ZNF438: variants seen among roughly 807,000 people sequenced by gnomAD.
The protein encoded by ZNF438 is zinc finger protein 438.
Under a neutral mutation model 38.0 loss-of-function variants are expected in ZNF438, and 25 were observed. That is an observed-to-expected ratio of 0.66 (90% CI 0.48 to 0.92). The LOEUF (loss-of-function observed/expected upper bound fraction) is 0.92. Ranked by LOEUF, ZNF438 falls within the 40% of genes least tolerant of loss-of-function variation. The pLI, the probability that ZNF438 is intolerant of heterozygous loss-of-function variation, is 0.00. For missense variants in ZNF438, 1,007 were observed against 999.6 expected (o/e 1.01, Z -0.10); for synonymous variants, 372 against 364.1 (o/e 1.02, Z -0.25).
chr10:30,955,988 C>T (rs1043214677), intron 1 of ZNF438, among the ~76,000 whole-genome samples: 2 of 152,072 alleles, frequency 1.3e-5, no homozygotes. Flanking sequence ...TATTCTAAAA[C>T]AAACAATTTT....
At chr10:30,905,016 A>G (rs2042433279) in intron 3 of ZNF438, among the ~76,000 whole-genome samples, 1 of 152,196 alleles carries the variant, frequency 6.6e-6, no homozygotes, top group South Asian at 2.1e-4. Context: ...TTGTGTTCAT[A>G]TGGTACCCTA....
intron 2 of ZNF438, among the ~76,000 whole-genome samples, chr10:30,936,866 T>C (rs562605588): frequency 6.6e-6 from 1 of 152,204 alleles, no homozygotes; most frequent in Non-Finnish European, 1.5e-5. Flanking sequence ...CAAACCTTTA[T>C]GCTTTGAACT....
exon 5 of ZNF438, chr10:30,849,806 T>C (rs371662834): frequency 1.9e-6 from 3 of 1,613,850 alleles, no homozygotes; most frequent in African/African-American, 1.3e-5. Flanking sequence ...CAAGTCCCCA[T>C]GGTCACTTCC....
At chr10:30,951,247 T>C (rs2048156170) in intron 1 of ZNF438, among the ~76,000 whole-genome samples, 1 of 150,844 alleles carries the variant, frequency 6.6e-6, no homozygotes, top group Admixed American at 6.6e-5. Context: ...TGGAACGTAT[T>C]TCAAAATAAT....
At chr10:30,852,703 G>T (rs958432412) in intron 4 of ZNF438, among the ~76,000 whole-genome samples, 1 of 152,224 alleles carries the variant, frequency 6.6e-6, no homozygotes, top group African/African-American at 2.4e-5. Flanking sequence ...TAAGTTCACA[G>T]GATAGCCTGC....
intron 1 of ZNF438, among the ~76,000 whole-genome samples, chr10:30,948,368 T>A (rs2047712514): frequency 6.6e-6 from 1 of 152,062 alleles, no homozygotes; most frequent in Admixed American, 6.6e-5. Context: ...GGAACGCAGT[T>A]CCTCACCAGC....
intron 1 of ZNF438, among the ~76,000 whole-genome samples, chr10:30,951,956 C>T (rs550373439): frequency 0.017 from 2,570 of 151,158 alleles, 64 homozygotes; most frequent in African/African-American, 0.059. Context: ...AATCCTAAGC[C>T]AAAAGAACAA....
chr10:30,846,321 G>A (rs933530040), intron 5 of ZNF438, among the ~76,000 whole-genome samples: 2 of 152,244 alleles, frequency 1.3e-5, no homozygotes, highest in African/African-American at 2.4e-5. Flanking sequence ...TCCTGAGAGT[G>A]TCAGGTTCAT....
rs867347799 is a variant in ZNF438 at position 30,972,392 on chromosome 10, G to A, written c.-191-30741C>T. On this transcript the variant is annotated intron_variant, in intron 1 of 5. Coordinates refer to ENST00000413025, the Ensembl canonical transcript of ZNF438. The stretch of plus-strand genomic sequence containing the variant: ...GTGCTCTTGCTAATTTCTAATTCTC[G>A]TTTGTACCATTTGTGACAGTTTTTA... Among the ~76,000 whole-genome samples, 11 of 152,160 alleles carry A rather than the reference G, an allele frequency of 7.2e-5. No individual in the cohort carries two copies. In the South Asian group the frequency reaches 1.9e-3, roughly 26 times the overall value.
chr10:30,937,156 T>C (rs2046342336), intron 2 of ZNF438, among the ~76,000 whole-genome samples: 1 of 152,088 alleles, frequency 6.6e-6, no homozygotes, highest in Admixed American at 6.6e-5. Context: ...TGCTAATGGA[T>C]TGACACCAGC....
At chr10:30,937,033 G>A (rs190311558) in intron 2 of ZNF438, among the ~76,000 whole-genome samples, 15 of 152,252 alleles carry the variant, frequency 9.9e-5, no homozygotes, top group African/African-American at 3.6e-4. Context: ...TGGACCAGAA[G>A]CAAAAGAACC....
chr10:31,025,782 A>T (rs1428892486), intron 1 of ZNF438, among the ~76,000 whole-genome samples: 1 of 152,190 alleles, frequency 6.6e-6, no homozygotes, highest in African/African-American at 2.4e-5. Context: ...AAACCTAAAG[A>T]TTTTAATTTT....
intron 1 of ZNF438, among the ~76,000 whole-genome samples, chr10:31,031,079 C>T (rs2057261973): frequency 6.6e-6 from 1 of 152,166 alleles, no homozygotes; most frequent in African/African-American, 2.4e-5. Context: ...AGTTCGATCA[C>T]CCAACAGGCT....
rs58630468 is a variant in ZNF438, at chr10:30,859,800, G to A, written c.38-9433C>T. On this transcript the variant is annotated intron_variant, in intron 4 of 5. Transcript: ENST00000413025. ...TATCAGGTTGTTGACATTTATTTTT[G>A]TTGGGAAAAAAAAGGCACAAATCTT... 6.2e-3 allele frequency among the ~76,000 whole-genome samples: 946 copies of A among 152,028 alleles called. 20 individuals carry two copies. The highest frequency in any genetic ancestry group is 0.021 in the African/African-American group (886 of 41,500).
intron 1 of ZNF438, among the ~76,000 whole-genome samples, chr10:31,011,016 G>C (rs575989735): frequency 1.7e-4 from 26 of 151,212 alleles, no homozygotes; most frequent in African/African-American, 6.1e-4. Context: ...ATAATAGCCA[G>C]TGAGGAAAAT....
chr10:30,959,748 A>C (rs1291830515), intron 1 of ZNF438, among the ~76,000 whole-genome samples: 1 of 146,602 alleles, frequency 6.8e-6, no homozygotes, highest in African/African-American at 2.4e-5. Context: ...ACTCCGTCTC[A>C]ATAAATAAAT....
At chr10:31,011,644 G>A (rs552145488) in intron 1 of ZNF438, among the ~76,000 whole-genome samples, 60 of 152,234 alleles carry the variant, frequency 3.9e-4, no homozygotes, top group African/African-American at 1.4e-3. Context: ...CTGCTTAAAG[G>A]AATAGCAACG....
chr10:30,969,566 G>A (rs912337803), intron 1 of ZNF438, among the ~76,000 whole-genome samples: 8 of 152,084 alleles, frequency 5.3e-5, no homozygotes, highest in African/African-American at 1.7e-4. Context: ...AACAAACCCA[G>A]AATAAACCAC....
intron 1 of ZNF438, among the ~76,000 whole-genome samples, chr10:30,990,914 G>A (rs2053421003): frequency 6.6e-6 from 1 of 151,824 alleles, no homozygotes; most frequent in African/African-American, 2.4e-5. Flanking sequence ...ATGGAGGAAT[G>A]AAGAGTGCCA....
Sources: gnomAD v4.1 joint callset for allele counts (sites outside exome capture counted in the v4.1 genomes callset) on GRCh38, gnomAD v4.1.1 for gene constraint, MANE v1.5 for transcripts, NCBI Gene and HGNC (gene_info 2026-07-23, HGNC 2026-07-21) for gene names.